The following GUCY1A2 variants were observed in gnomAD, a reference collection of about 807,000 sequenced individuals.
GUCY1A2 encodes guanylate cyclase 1 soluble subunit alpha 2, also known as guanylate cyclase soluble subunit alpha-2.
GUCY1A2 carries 27 observed loss-of-function variants against 63.5 expected under a neutral mutation model. That is an observed-to-expected ratio of 0.43 (90% CI 0.31 to 0.59). GUCY1A2 has a LOEUF of 0.59. Among genes scored for constraint, GUCY1A2 ranks in the 20% least tolerant of loss-of-function variants. The pLI is 0.11. For missense variants in GUCY1A2, 768 were observed against 913.3 expected, an observed-to-expected ratio of 0.84 and a Z score of 2.05; for synonymous variants, 364 against 343.5, an observed-to-expected ratio of 1.06 and a Z score of -0.66.
At chr11:106,720,083 A>G (rs185114317) in intron 6 of GUCY1A2, among the ~76,000 whole-genome samples, 1 of 152,332 alleles carries the variant, frequency 6.6e-6, no homozygotes, top group Non-Finnish European at 1.5e-5. Flanking sequence ...GGCCACAAAA[A>G]TATATGTTTA....
chr11:106,754,140 G>T (rs554680803), intron 6 of GUCY1A2, among the ~76,000 whole-genome samples: 1 of 152,114 alleles, frequency 6.6e-6, no homozygotes, highest in African/African-American at 2.4e-5. Flanking sequence ...GTTCACTCAT[G>T]ATTTGGCTCT....
intron 4 of GUCY1A2, chr11:106,827,569 T>C: frequency 6.9e-7 from 1 of 1,449,344 alleles, no homozygotes; most frequent in Non-Finnish European, 9.7e-7. Flanking sequence ...CAGAGTTTCT[T>C]ATATACATGC....
chr11:106,785,536 A>T (rs917687617), intron 5 of GUCY1A2, among the ~76,000 whole-genome samples: 1 of 151,822 alleles, frequency 6.6e-6, no homozygotes. Context: ...ATATTTACTT[A>T]ACTTTATATC....
At chr11:106,987,014 G>T (rs1166075015) in intron 1 of GUCY1A2, among the ~76,000 whole-genome samples, 1 of 152,146 alleles carries the variant, frequency 6.6e-6, no homozygotes, top group Non-Finnish European at 1.5e-5. Context: ...CAAGATCCTA[G>T]AACCTAGATG....
intron 3 of GUCY1A2, among the ~76,000 whole-genome samples, chr11:106,972,548 C>A (rs1861209503): frequency 6.6e-6 from 1 of 151,930 alleles, no homozygotes; most frequent in South Asian, 2.1e-4. Context: ...GACACAGAAA[C>A]ACAAATTTAA....
At chr11:106,736,540 A>G (rs1294397377) in intron 6 of GUCY1A2, among the ~76,000 whole-genome samples, 1 of 152,134 alleles carries the variant, frequency 6.6e-6, no homozygotes, top group Non-Finnish European at 1.5e-5. Context: ...ATAGCTCTGT[A>G]GTATAATTTA....
At chr11:106,714,726 G>A (rs556626171) in intron 6 of GUCY1A2, among the ~76,000 whole-genome samples, 1 of 150,988 alleles carries the variant, frequency 6.6e-6, no homozygotes, top group African/African-American at 2.4e-5. Flanking sequence ...ATGTCTGGAA[G>A]CATTTTTGAT....
intron 3 of GUCY1A2, among the ~76,000 whole-genome samples, chr11:106,956,527 A>T (rs1372087051): frequency 6.6e-6 from 1 of 151,692 alleles, no homozygotes; most frequent in Non-Finnish European, 1.5e-5. Context: ...TCTTTCAATA[A>T]TTGGTCCCTC....
At chr11:106,794,432 C>CTATAGTAA in intron 5 of GUCY1A2, among the ~76,000 whole-genome samples, 1 of 151,734 alleles carries the variant, frequency 6.6e-6, no homozygotes, top group South Asian at 2.1e-4. Flanking sequence ...AGCATGCTGA[C>CTATAGTAA]CATAGTAACT....
chr11:106,815,266 AG>A (rs956308488), intron 4 of GUCY1A2, among the ~76,000 whole-genome samples: 3 of 152,094 alleles, frequency 2.0e-5, no homozygotes, highest in African/African-American at 7.2e-5. Flanking sequence ...GCTGAAAAAA[AG>A]TTTTAGGGAT....
At chr11:106,908,493 G>C (rs1226007004) in intron 4 of GUCY1A2, among the ~76,000 whole-genome samples, 1 of 151,866 alleles carries the variant, frequency 6.6e-6, no homozygotes, top group Non-Finnish European at 1.5e-5. Flanking sequence ...GCAGAAAATT[G>C]AGTGGGAGTA....
chr11:106,873,568 T>G (rs1047295660), intron 4 of GUCY1A2, among the ~76,000 whole-genome samples: 7 of 152,208 alleles, frequency 4.6e-5, no homozygotes, highest in African/African-American at 1.4e-4. Context: ...ACATGTCTTT[T>G]TTTGAGAAGT....
intron 4 of GUCY1A2, among the ~76,000 whole-genome samples, chr11:106,892,311 G>A (rs1175227251): frequency 6.6e-6 from 1 of 152,020 alleles, no homozygotes; most frequent in Admixed American, 6.6e-5. Context: ...TTTGACCAAT[G>A]CTATCTCTCA....
At chr11:106,815,601 A>G (rs1858820181) in intron 4 of GUCY1A2, among the ~76,000 whole-genome samples, 1 of 152,038 alleles carries the variant, frequency 6.6e-6, no homozygotes, top group African/African-American at 2.4e-5. Flanking sequence ...AGGAAGGAAG[A>G]AAAGGAACAG....
Position 106,939,684 on chromosome 11 carries a change from G to A in GUCY1A2, c.982C>T (p.Pro328Ser). The part of the protein sequence containing the change: ...ISINTFCRAF[P>S]FHLMFDPSMS... ...CTGGGATCAAACATCAAGTGGAAAG[G>A]GAAGGCTCTACAGAAGGTGTTGATG... The change falls in exon 4 of 8, where the codon CCT (proline) becomes TCT (serine). Residue 328 changes from proline to serine, a missense_variant. This residue lies in a region of GUCY1A2 where 496 missense variants were observed against 486.9 expected (regional missense o/e 1.02). Transcript: ENST00000526355. 1 of 1,613,920 alleles carries A rather than the reference G, an allele frequency of 6.2e-7. No individual in the cohort carries two copies. The highest frequency in any genetic ancestry group is 8.5e-7 in the Non-Finnish European group (1 of 1,179,872).
Position 106,778,040 on chromosome 11 carries a change from T to C in GUCY1A2, c.1693-1458A>G, listed in dbSNP as rs564292286. Among the ~76,000 whole-genome samples the C allele has an allele frequency of 8.5e-5, 13 of 152,288 alleles. No homozygotes were observed. The East Asian group carries it at 2.5e-3, about 29-fold the overall frequency. On this transcript the variant is annotated intron_variant, in intron 5 of 7. Transcript: ENST00000526355. ...TTTACCCCAGGTTAAAACTCCCAAA[T>C]TTCCAAAGCATAGAACATGGAATAA...
At chr11:106,854,117 T>A (rs1366783830) in intron 4 of GUCY1A2, among the ~76,000 whole-genome samples, 2 of 152,198 alleles carry the variant, frequency 1.3e-5, no homozygotes, top group African/African-American at 4.8e-5. Context: ...GGTAGGCTGA[T>A]CCTCAAGCCC....
intron 4 of GUCY1A2, among the ~76,000 whole-genome samples, chr11:106,926,319 T>C (rs2119924599): frequency 6.6e-6 from 1 of 151,806 alleles, no homozygotes; most frequent in Middle Eastern, 3.4e-3. Context: ...ACACCTGTAG[T>C]CCCAGCTACC....
chr11:106,854,435 G>A (rs894040716), intron 4 of GUCY1A2, among the ~76,000 whole-genome samples: 1 of 152,232 alleles, frequency 6.6e-6, no homozygotes, highest in Non-Finnish European at 1.5e-5. Context: ...GCATATGTCA[G>A]TGGCAATGAA....
Sources: allele counts gnomAD v4.1 joint callset (sites outside exome capture counted in the v4.1 genomes callset), GRCh38; gene constraint gnomAD v4.1.1; regional missense constraint gnomAD v4.1.1; transcripts MANE v1.5; gene names NCBI Gene and HGNC (gene_info 2026-07-23, HGNC 2026-07-21).